The following RSPO3 variants were observed in gnomAD, a reference collection of about 807,000 sequenced individuals.
RSPO3 encodes R-spondin 3, also known as R-spondin-3.
A neutral mutation model predicts 36.5 loss-of-function variants in RSPO3; 17 were observed. The ratio of observed to expected loss-of-function variants is 0.47; its 90% CI spans 0.32 to 0.70. The LOEUF (loss-of-function observed/expected upper bound fraction) is 0.70, where lower values mean the gene tolerates loss of function less well. Ranked by LOEUF, RSPO3 falls within the 30% of genes least tolerant of loss-of-function variation. RSPO3 has a pLI of 0.04. For missense variants in RSPO3, 294 were observed against 322.5 expected (o/e 0.91, Z 0.68); for synonymous variants, 108 against 107.0 (o/e 1.01, Z -0.06).
intron 1 of RSPO3, among the ~76,000 whole-genome samples, chr6:127,132,134 G>T (rs1292556232): frequency 6.6e-6 from 1 of 151,996 alleles, no homozygotes; most frequent in African/African-American, 2.4e-5. Context: ...GATCCTGGGA[G>T]TATGCCAGTA....
chr6:127,141,609 C>A (rs1774271057), intron 1 of RSPO3, among the ~76,000 whole-genome samples: 1 of 152,160 alleles, frequency 6.6e-6, no homozygotes, highest in Admixed American at 6.6e-5. Context: ...AATGGTGGCG[C>A]ACCAACTGGG....
chr6:127,190,167 T>C (rs1775379261), intron 4 of RSPO3, among the ~76,000 whole-genome samples: 1 of 152,156 alleles, frequency 6.6e-6, no homozygotes, highest in African/African-American at 2.4e-5. Flanking sequence ...CTCACACCTG[T>C]AATCCCAGCA....
Position 127,155,418 on chromosome 6 carries a change from A to C in RSPO3, c.614A>C (p.Lys205Thr). ...AGAAAGTGTACAGTGCAAAGGAAGA[A>C]GTGTCAGAAGGGAGAACGAGGTACA... ...ETRKCTVQRK[K>T]CQKGERGKKG... Residue 205 changes from lysine to threonine, a missense_variant, in exon 4 of 5, where the codon AAG becomes ACG. Transcript: ENST00000356698. 2 of 1,613,642 alleles carry C rather than the reference A, an allele frequency of 1.2e-6. No homozygotes were observed. The highest frequency in any genetic ancestry group is 1.7e-6 in the Non-Finnish European group (2 of 1,179,752).
At position 127,198,696 on chromosome 6, in the gene RSPO3, G is replaced by A. The variant is rs1775562663; in HGVS notation, c.*2689G>A. 6.6e-6 allele frequency among the ~76,000 whole-genome samples: 1 copy of A among 152,168 alleles called. No homozygotes were observed. Among genetic ancestry groups the A allele is most frequent in the Non-Finnish European group, 1.5e-5 (1 of 68,026 alleles). ...CTATCCTCAGATTTAGGTTCTAGTA[G>A]CAGTTGTGTAACCACTAGTGAGTCA... On this transcript the variant is annotated 3_prime_UTR_variant, in exon 5 of 5. Transcript: ENST00000356698.
intron 4 of RSPO3, among the ~76,000 whole-genome samples, chr6:127,163,712 A>C (rs1237362261): frequency 6.6e-6 from 1 of 152,106 alleles, no homozygotes; most frequent in Non-Finnish European, 1.5e-5. Context: ...TTTACGACAT[A>C]CTTATTACTT....
intron 4 of RSPO3, among the ~76,000 whole-genome samples, chr6:127,157,230 A>C (rs2114595582): frequency 6.6e-6 from 1 of 152,242 alleles, no homozygotes; most frequent in Middle Eastern, 3.4e-3. Flanking sequence ...TTTCCTTAAA[A>C]TTTAATGACT....
chr6:127,155,298 C>T lies in RSPO3; in HGVS notation c.494C>T (p.Thr165Ile), dbSNP rs1774570500. 6.2e-7 allele frequency: 1 copy of T among 1,613,876 alleles called. No individual in the cohort carries two copies. The highest frequency in any genetic ancestry group is 1.1e-5 in the South Asian group (1 of 91,082). The change falls in exon 4 of 5, where the codon ACA (threonine) becomes ATA (isoleucine). Residue 165 changes from threonine (T) to isoleucine (I), a missense_variant. By Grantham distance (89) the Thr-to-Ile change is moderately conservative (BLOSUM62 -1). This residue lies in a region of RSPO3 where 190 missense variants were observed against 185.2 expected (regional missense o/e 1.03). Coordinates refer to ENST00000356698, the MANE Select transcript of RSPO3 (RefSeq NM_032784.5). ...PWSPCTKKGK[T>I]CGFKRGTETR... ...AGTCCATGCACGAAGAAGGGAAAAA[C>T]ATGTGGCTTCAAAAGAGGGACTGAA...
rs371152074 is a variant in RSPO3 at position 127,128,062 on chromosome 6, G to A, written c.97+8773G>A. On this transcript the variant is annotated intron_variant, in intron 1 of 4. Transcript: ENST00000356698. ...TGATTGTTATTTCCATCTATGGTGC[G>A]CGTAACCAAGAAAAGATTAATGTAG... 1.7e-4 allele frequency among the ~76,000 whole-genome samples: 26 copies of A among 152,100 alleles called. No individual in the cohort carries two copies. The East Asian group carries it at 2.5e-3, about 15-fold the overall frequency.
At chr6:127,150,398 G>A in intron 2 of RSPO3, 28 bp from the exon 3 acceptor site, 3 of 1,598,696 alleles carry the variant, frequency 1.9e-6, no homozygotes, top group Non-Finnish European at 2.6e-6. Flanking sequence ...CATAATGCAA[G>A]CATATTTCTT....
intron 4 of RSPO3, among the ~76,000 whole-genome samples, chr6:127,188,692 A>C (rs1487644419): frequency 6.6e-6 from 1 of 152,178 alleles, no homozygotes; most frequent in Non-Finnish European, 1.5e-5. Context: ...AGAATGAGAT[A>C]GTGCTGAATG....
At chr6:127,144,638 C>G (rs1437409598) in intron 1 of RSPO3, among the ~76,000 whole-genome samples, 1 of 67,452 alleles carries the variant, frequency 1.5e-5, no homozygotes, top group East Asian at 4.4e-4. Context: ...CAGTAGCTTC[C>G]CCTTGTTTTT....
chr6:127,135,935 A>AC (rs1399495788), intron 1 of RSPO3, among the ~76,000 whole-genome samples: 1 of 152,064 alleles, frequency 6.6e-6, no homozygotes, highest in African/African-American at 2.4e-5. Context: ...TCAAAAAAAA[A>AC]AAAAAAAAGG....
chr6:127,199,416 G>A lies in RSPO3; in HGVS notation c.*3409G>A, dbSNP rs989415740. On this transcript the variant is annotated 3_prime_UTR_variant, in exon 5 of 5. Transcript: ENST00000356698. ...AATGTACATGCATGATAATTTCAAG[G>A]AATAAGTATATATGTGAGAATCATG... 6.6e-5 allele frequency among the ~76,000 whole-genome samples: 10 copies of A among 151,996 alleles called. No individual in the cohort carries two copies. The highest frequency in any genetic ancestry group is 1.5e-4 in the Non-Finnish European group (10 of 67,992).
chr6:127,155,544 C>T (rs1359496491), intron 4 of RSPO3, 106 bp downstream of exon 4: 1 of 1,036,400 alleles, frequency 9.6e-7, no homozygotes, highest in Non-Finnish European at 1.4e-6. Context: ...TGCCTAATAT[C>T]CTAAAATGTG....
At chr6:127,141,176 A>C (rs1774262622) in intron 1 of RSPO3, among the ~76,000 whole-genome samples, 1 of 152,136 alleles carries the variant, frequency 6.6e-6, no homozygotes, top group African/African-American at 2.4e-5. Context: ...TTTTGTTGAA[A>C]ACCTTAATCA....
At chr6:127,192,540 G>A (rs1339981407) in intron 4 of RSPO3, 1 of 400,656 alleles carries the variant, frequency 2.5e-6, no homozygotes, top group African/African-American at 2.2e-5. Context: ...TAAGGACAGT[G>A]TACTTAAATG....
intron 1 of RSPO3, among the ~76,000 whole-genome samples, chr6:127,124,817 C>G (rs1290473351): frequency 6.6e-6 from 1 of 152,000 alleles, no homozygotes; most frequent in African/African-American, 2.4e-5. Flanking sequence ...TACTGGCATT[C>G]TGATTAAAGT....
At chr6:127,159,651 T>TC (rs1302999252) in intron 4 of RSPO3, among the ~76,000 whole-genome samples, 2 of 146,906 alleles carry the variant, frequency 1.4e-5, no homozygotes, top group East Asian at 3.9e-4. Flanking sequence ...CTCCTTTTTT[T>TC]TTTTTTTTTT....
rs746939041 is a variant in RSPO3, at chr6:127,160,124, G to A, written c.634+4686G>A. On this transcript the variant is annotated intron_variant, in intron 4 of 4. Transcript: ENST00000356698. ...CTATTCAGTTGAACTGTTTGCAACC[G>A]CCTTTTTTGTAGGTCGTAAATGGTC... Among the ~76,000 whole-genome samples, 15 of 152,022 alleles carry A rather than the reference G, an allele frequency of 9.9e-5. 1 individual carries two copies. Among genetic ancestry groups the A allele is most frequent in the South Asian group, 8.3e-4 (4 of 4,816 alleles).
Sources: allele counts gnomAD v4.1 joint callset (sites outside exome capture counted in the v4.1 genomes callset), GRCh38; gene constraint gnomAD v4.1.1; regional missense constraint gnomAD v4.1.1; transcripts MANE v1.5; gene names NCBI Gene and HGNC (gene_info 2026-07-23, HGNC 2026-07-21).